SLC24A3: variants seen among roughly 807,000 people sequenced by gnomAD.
SLC24A3 encodes sodium/potassium/calcium exchanger 3.
Under a neutral mutation model 75.8 loss-of-function variants are expected in SLC24A3, and 28 were observed. The observed-to-expected ratio is 0.37, with a 90% CI of 0.27 to 0.51. The LOEUF (loss-of-function observed/expected upper bound fraction) is 0.51. Among genes scored for constraint, SLC24A3 ranks in the 20% least tolerant of loss-of-function variants. The probability of loss-of-function intolerance (pLI) is 0.94; values close to 1 mark genes in which losing one functional copy is unlikely to be tolerated. For missense variants in SLC24A3, 663 were observed against 847.8 expected (o/e 0.78, Z 2.71); for synonymous variants, 372 against 334.1 (o/e 1.11, Z -1.24).
At position 19,278,710 on chromosome 20, in the gene SLC24A3, G is replaced by T. The variant is rs78616114; in HGVS notation, c.143-2249G>T. Among the ~76,000 whole-genome samples the T allele has an allele frequency of 1.4e-3, 220 of 152,252 alleles. 3 individuals carry two copies. The highest frequency in any genetic ancestry group is 3.4e-3 in the Middle Eastern group (1 of 294). ...ACATGTGGCCGCCATGTAGAATTTT[G>T]TATTTCAAGAGTCTGAAATTATTGT... On this transcript the variant is annotated intron_variant, in intron 1 of 16. Coordinates refer to ENST00000328041, the MANE Select transcript of SLC24A3 (RefSeq NM_020689.4).
intron 1 of SLC24A3, among the ~76,000 whole-genome samples, chr20:19,250,923 T>C (rs1402235835): frequency 6.6e-6 from 1 of 152,230 alleles, no homozygotes; most frequent in Non-Finnish European, 1.5e-5. Flanking sequence ...TAAATTAAGA[T>C]GCCCAAGATC....
intron 2 of SLC24A3, among the ~76,000 whole-genome samples, chr20:19,330,783 C>T (rs1328848630): frequency 6.6e-6 from 1 of 152,206 alleles, no homozygotes; most frequent in Non-Finnish European, 1.5e-5. Context: ...AAATGCCTCT[C>T]ATAAGTGTAC....
At chr20:19,579,686 C>A (rs751846251) in intron 3 of SLC24A3, among the ~76,000 whole-genome samples, 1 of 152,068 alleles carries the variant, frequency 6.6e-6, no homozygotes, top group African/African-American at 2.4e-5. Context: ...GGTGTGATGG[C>A]GTGAGCCAGT....
intron 14 of SLC24A3, 51 bp from the exon 15 acceptor site, chr20:19,698,517 T>TG: frequency 7.0e-7 from 1 of 1,432,834 alleles, no homozygotes; most frequent in Admixed American, 2.0e-5. Flanking sequence ...GAGTCCTGTG[T>TG]GGGGCCCCTG....
rs914390875 is a variant in SLC24A3 at position 19,320,737 on chromosome 20, C to T, written c.271+39650C>T. 3.3e-5 allele frequency among the ~76,000 whole-genome samples: 5 copies of T among 152,008 alleles called. No individual in the cohort carries two copies. The East Asian group carries it at 7.7e-4, about 23-fold the overall frequency. On this transcript the variant is annotated intron_variant, in intron 2 of 16. Coordinates refer to ENST00000328041, the MANE Select transcript of SLC24A3 (RefSeq NM_020689.4). ...TCCTCCCATATGCTTTAAGTCATCT[C>T]CAGATTAATTGTAATACCTATTGCA...
At chr20:19,534,856 A>G (rs902432925) in intron 3 of SLC24A3, among the ~76,000 whole-genome samples, 2 of 152,236 alleles carry the variant, frequency 1.3e-5, no homozygotes, top group Non-Finnish European at 2.9e-5. Flanking sequence ...CTGTTTTCTC[A>G]GGACACTAGT....
At chr20:19,573,116 T>C (rs1385139548) in intron 3 of SLC24A3, among the ~76,000 whole-genome samples, 1 of 152,146 alleles carries the variant, frequency 6.6e-6, no homozygotes, top group African/African-American at 2.4e-5. Flanking sequence ...GGAGTGCAGA[T>C]GATGTAGTAA....
intron 2 of SLC24A3, among the ~76,000 whole-genome samples, chr20:19,491,185 C>T (rs1198437417): frequency 6.6e-6 from 1 of 152,134 alleles, no homozygotes; most frequent in Non-Finnish European, 1.5e-5. Context: ...CCTTCTTTCC[C>T]CAGGTCCCTC....
intron 3 of SLC24A3, among the ~76,000 whole-genome samples, chr20:19,574,040 A>G (rs1368200459): frequency 1.3e-5 from 2 of 152,104 alleles, no homozygotes; most frequent in African/African-American, 4.8e-5. Context: ...TAAGTCTTAG[A>G]CCCTTCCCAC....
At chr20:19,231,187 A>G (rs1033394193) in intron 1 of SLC24A3, among the ~76,000 whole-genome samples, 1 of 152,218 alleles carries the variant, frequency 6.6e-6, no homozygotes, top group Admixed American at 6.5e-5. Context: ...TATTTTCCCC[A>G]TGCCAAACAT....
At chr20:19,615,297 T>A (rs2031723249) in intron 6 of SLC24A3, among the ~76,000 whole-genome samples, 3 of 152,232 alleles carry the variant, frequency 2.0e-5, no homozygotes, top group African/African-American at 7.2e-5. Flanking sequence ...TGCAAGATAT[T>A]TTTTAATCAA....
At chr20:19,445,512 A>G (rs868093688) in intron 2 of SLC24A3, among the ~76,000 whole-genome samples, 1 of 152,200 alleles carries the variant, frequency 6.6e-6, no homozygotes. Context: ...TTGGAATGTA[A>G]GACGAGGAAG....
chr20:19,618,535 A>G (rs2031766276), intron 6 of SLC24A3, among the ~76,000 whole-genome samples: 1 of 152,156 alleles, frequency 6.6e-6, no homozygotes, highest in Admixed American at 6.5e-5. Context: ...CCTAGCTCCA[A>G]ATACAGCTGC....
At chr20:19,419,594 T>C (rs1042483083) in intron 2 of SLC24A3, among the ~76,000 whole-genome samples, 2 of 152,156 alleles carry the variant, frequency 1.3e-5, no homozygotes, top group Non-Finnish European at 2.9e-5. Context: ...GGACCGTCTC[T>C]GCAGTCCCTC....
At chr20:19,453,810 C>T (rs1987533720) in intron 2 of SLC24A3, among the ~76,000 whole-genome samples, 1 of 152,188 alleles carries the variant, frequency 6.6e-6, no homozygotes, top group Non-Finnish European at 1.5e-5. Context: ...GCAGGGCCTG[C>T]CCACTGTGAG....
intron 2 of SLC24A3, among the ~76,000 whole-genome samples, chr20:19,311,820 C>T (rs959536053): frequency 2.6e-5 from 4 of 152,168 alleles, no homozygotes; most frequent in Non-Finnish European, 5.9e-5. Context: ...TCATTAAATA[C>T]ATCTTCCCAA....
chr20:19,287,272 A>G (rs964837720), intron 2 of SLC24A3, among the ~76,000 whole-genome samples: 1 of 152,198 alleles, frequency 6.6e-6, no homozygotes, highest in South Asian at 2.1e-4. Context: ...CTTTGCATTA[A>G]GGGGAAAGAG....
chr20:19,411,871 A>G (rs76332457), intron 2 of SLC24A3, among the ~76,000 whole-genome samples: 1 of 152,290 alleles, frequency 6.6e-6, no homozygotes, highest in African/African-American at 2.4e-5. Flanking sequence ...TTTTTTGTAC[A>G]TATTTGGTGA....
chr20:19,493,647 G>T (rs1392487680), intron 2 of SLC24A3, among the ~76,000 whole-genome samples: 1 of 152,114 alleles, frequency 6.6e-6, no homozygotes, highest in Non-Finnish European at 1.5e-5. Context: ...AGAGAATCTG[G>T]GTGCTTTCTT....
Sources: allele counts gnomAD v4.1 joint callset (sites outside exome capture counted in the v4.1 genomes callset), GRCh38; gene constraint gnomAD v4.1.1; transcripts MANE v1.5; gene names NCBI Gene and HGNC (gene_info 2026-07-23, HGNC 2026-07-21).